Variants in NELFB observed in about 807,000 individuals in gnomAD.
The protein encoded by NELFB is negative elongation factor complex member B, also known as negative elongation factor B.
In NELFB, 34 loss-of-function variants were observed where a neutral mutation model predicts 60.2. The observed-to-expected ratio is 0.56, with a 90% confidence interval of 0.43 to 0.75. NELFB has a LOEUF of 0.75. Among genes scored for constraint, NELFB ranks in the 30% least tolerant of loss-of-function variants. The pLI is 0.00. For synonymous variants in NELFB, 459 were observed against 382.1 expected (o/e 1.20, Z -2.35); for missense variants, 770 against 831.6 (o/e 0.93, Z 0.91).
intron 10 of NELFB, among the ~76,000 whole-genome samples, 185 bp downstream of exon 10, chr9:137,267,531 C>T (rs1165105225): frequency 3.5e-5 from 5 of 142,134 alleles, no homozygotes; most frequent in African/African-American, 1.0e-4. Context: ...CTTGCTCTGT[C>T]GCCCAGGCTG....
intron 4 of NELFB, 130 bp downstream of exon 4, chr9:137,257,184 G>A (rs1837568459): frequency 2.7e-6 from 2 of 752,988 alleles, no homozygotes; most frequent in Middle Eastern, 3.4e-4. Context: ...TGGCTGGGTG[G>A]TGGGGGAGGG....
rs1357130458 is a variant in NELFB, at chr9:137,261,359, A to G, written c.742-1678A>G. Among the ~76,000 whole-genome samples, 6 of 124,404 alleles carry G rather than the reference A, an allele frequency of 4.8e-5. No homozygotes were observed. The South Asian group carries it at 1.2e-3, about 25-fold the overall frequency. The allele number at this position is 124,404 out of a possible 152,430, so 81.6% of individuals were successfully genotyped here. A position where few individuals can be genotyped will look rare whatever the true frequency, so the allele number is the denominator to read the frequency against. ...GGTTTCAAAAAAAAAAAAAAAAAGTAAAAAAAAAAAAAAACTGGGTCAGGT... is the reference window on the plus strand; with the variant it reads ...GGTTTCAAAAAAAAAAAAAAAAAGTGAAAAAAAAAAAAAACTGGGTCAGGT... On this transcript the variant is annotated intron_variant, in intron 4 of 12. Coordinates refer to ENST00000343053, the MANE Select transcript of NELFB (RefSeq NM_015456.5).
In NELFB at chr9:137,270,571, C is replaced by G. The variant is rs185125560; in HGVS notation, c.1490-1510C>G. Among the ~76,000 whole-genome samples the G allele has an allele frequency of 8.5e-5, 13 of 152,142 alleles. No individual in the cohort carries two copies. The East Asian group carries it at 2.5e-3, about 29-fold the overall frequency. Reference sequence around the variant, plus strand: ...CACCACTGCACTCCAGCCTGGGTGACAGAGCGAGACTCCGTCTCAAAAAAA... The same window carrying G: ...CACCACTGCACTCCAGCCTGGGTGAGAGAGCGAGACTCCGTCTCAAAAAAA... On this transcript the variant is annotated intron_variant, in intron 10 of 12. Transcript: ENST00000343053.
intron 4 of NELFB, 29 bp downstream of exon 4, chr9:137,257,083 G>T (rs765580996): frequency 1.3e-6 from 2 of 1,589,732 alleles, no homozygotes; most frequent in East Asian, 4.5e-5. Flanking sequence ...TGCGGGGTGG[G>T]GCACCTCTTG....
In NELFB at chr9:137,264,313, G is replaced by C; in HGVS notation, c.996G>C (p.Gln332His). Residue 332 changes from glutamine to histidine, a missense_variant, in exon 6 of 13, where the codon CAG (glutamine) becomes CAC (histidine). By Grantham distance (24) the Gln-to-His change is conservative (BLOSUM62 0). Transcript: ENST00000343053. ...ACAGCAAGAGGGCGCGGGAGCTGCAGGGGTTTCTCGATGGCGTCAAGAAGG... is the reference window on the plus strand; with the variant it reads ...ACAGCAAGAGGGCGCGGGAGCTGCACGGGTTTCTCGATGGCGTCAAGAAGG... 6.2e-7 allele frequency: 1 copy of C among 1,603,242 alleles called. No individual in the cohort carries two copies. The highest frequency in any genetic ancestry group is 8.5e-7 in the Non-Finnish European group (1 of 1,176,104).
intron 6 of NELFB, among the ~76,000 whole-genome samples, chr9:137,265,121 T>G (rs189669651): frequency 1.1e-4 from 16 of 142,528 alleles, no homozygotes; most frequent in African/African-American, 3.9e-4. Flanking sequence ...CTCCTGGGCA[T>G]TGATCCTGCT....
chr9:137,256,233 A>T, intron 2 of NELFB, 96 bp from the exon 3 acceptor site: 1 of 1,386,330 alleles, frequency 7.2e-7, no homozygotes, highest in East Asian at 2.3e-5. Context: ...CTGGGCGTGG[A>T]GGCTTGTCCT....
intron 10 of NELFB, among the ~76,000 whole-genome samples, chr9:137,268,891 C>T (rs369851001): frequency 1.3e-5 from 2 of 152,166 alleles, no homozygotes; most frequent in East Asian, 3.9e-4. Context: ...AGACACAGGA[C>T]AGAGACAGAT....
At chr9:137,266,871 G>T (rs1449050592) in intron 8 of NELFB, 73 bp from the exon 9 acceptor site, 1 of 1,571,104 alleles carries the variant, frequency 6.4e-7, no homozygotes, top group Non-Finnish European at 8.6e-7. Context: ...CCAGGGGCAG[G>T]GTGTGTGTCA....
intron 10 of NELFB, among the ~76,000 whole-genome samples, chr9:137,270,266 G>C (rs1286635307): frequency 2.1e-5 from 3 of 140,404 alleles, no homozygotes; most frequent in African/African-American, 8.0e-5. Context: ...GGGCGACAAA[G>C]CCAGACTCCG....
intron 4 of NELFB, among the ~76,000 whole-genome samples, chr9:137,257,747 C>T (rs1364981945): frequency 6.6e-6 from 1 of 151,740 alleles, no homozygotes; most frequent in Non-Finnish European, 1.5e-5. Flanking sequence ...GGTGATCCGC[C>T]CCCCTCGGCC....
intron 4 of NELFB, 139 bp from the exon 5 acceptor site, chr9:137,262,898 G>A (rs1830466972): frequency 1.3e-6 from 1 of 793,094 alleles, no homozygotes; most frequent in Non-Finnish European, 2.0e-6. Context: ...AATATTTAAT[G>A]AGAGGAGGGA....
At chr9:137,265,496 C>A (rs1302703339) in intron 6 of NELFB, among the ~76,000 whole-genome samples, 3 of 141,662 alleles carry the variant, frequency 2.1e-5, no homozygotes, top group Non-Finnish European at 3.0e-5. Flanking sequence ...TCAAGTGATT[C>A]TCCTGCCTCA....
Position 137,267,289 on chromosome 9 carries a change from C to G in NELFB, c.1432C>G (p.Leu478Val). ...CTGCGAGGTGGGGCTGTACTACGTC[C>G]TGCACATCACCAAGCAGAGGAACAA... Residue 478 changes from leucine to valine, a missense_variant, in exon 10 of 13, where the codon CTG (leucine) becomes GTG (valine). Physicochemically the swap from Leu to Val is conservative, Grantham distance 32. Coordinates refer to ENST00000343053, the MANE Select transcript of NELFB (RefSeq NM_015456.5). The G allele has an allele frequency of 1.9e-6, 3 of 1,613,616 alleles. No homozygotes were observed. The highest frequency in any genetic ancestry group is 1.3e-5 in the African/African-American group (1 of 75,046).
At chr9:137,263,954 A>G (rs1830487723) in intron 5 of NELFB, among the ~76,000 whole-genome samples, 1 of 152,128 alleles carries the variant, frequency 6.6e-6, no homozygotes, top group Non-Finnish European at 1.5e-5. Context: ...TCACCCTCCG[A>G]GGCTTCCATT....
intron 4 of NELFB, among the ~76,000 whole-genome samples, chr9:137,259,026 T>C (rs1837603005): frequency 6.6e-6 from 1 of 151,958 alleles, no homozygotes; most frequent in Admixed American, 6.6e-5. Flanking sequence ...ACCTTGTCTC[T>C]ACAAGAAAAA....
At chr9:137,255,844 C>G (rs1032368452) in intron 1 of NELFB, 63 bp from the exon 2 acceptor site, 1 of 1,590,318 alleles carries the variant, frequency 6.3e-7, no homozygotes, top group Non-Finnish European at 8.6e-7. Flanking sequence ...TCCCTGTGCT[C>G]TCAGGACCTC....
At chr9:137,255,815 G>A in intron 1 of NELFB, 92 bp from the exon 2 acceptor site, 1 of 1,558,880 alleles carries the variant, frequency 6.4e-7, no homozygotes, top group South Asian at 1.2e-5. Flanking sequence ...GCACGGCTGG[G>A]AACACCTGGG....
Position 137,267,362 on chromosome 9 carries a change from CGGTGCCTGGCTGTGTCTTCCCTG to C in NELFB, c.1489+17_1489+39del, listed in dbSNP as rs1830534326. The C allele has an allele frequency of 1.3e-6, 2 of 1,586,474 alleles. No individual in the cohort carries two copies. The highest frequency in any genetic ancestry group is 1.8e-5 in the Admixed American group (1 of 56,060). ...CCCGGGCTGGGTAAGTCCTGACGGG[CGGTGCCTGGCTGTGTCTTCCCTG>C]CGGCAGCTGCCGTATGCAGTCCTGC... On this transcript the variant is annotated intron_variant, in intron 10 of 12. Coordinates refer to ENST00000343053, the MANE Select transcript of NELFB (RefSeq NM_015456.5).
Sources: allele counts gnomAD v4.1 joint callset (sites outside exome capture counted in the v4.1 genomes callset), GRCh38; gene constraint gnomAD v4.1.1; transcripts MANE v1.5; gene names NCBI Gene and HGNC (gene_info 2026-07-23, HGNC 2026-07-21).